Variants in TTYH2 observed in about 807,000 individuals in gnomAD.
The protein encoded by TTYH2 is protein tweety homolog 2.
Under a neutral mutation model 68.3 loss-of-function variants are expected in TTYH2, and 49 were observed. That is an observed-to-expected ratio of 0.72 (90% CI 0.57 to 0.91). The LOEUF is 0.91. Ranked by LOEUF, TTYH2 falls within the 40% of genes least tolerant of loss-of-function variation. The probability of loss-of-function intolerance (pLI) is 0.00; values close to 1 mark genes in which losing one functional copy is unlikely to be tolerated. For synonymous variants in TTYH2, 272 were observed against 300.8 expected (o/e 0.90, Z 0.99); for missense variants, 631 against 700.4 (o/e 0.90, Z 1.12).
rs1489623904 is a variant in TTYH2, at chr17:74,238,087, G to A, written c.635+573G>A. Among the ~76,000 whole-genome samples the A allele has an allele frequency of 2.6e-5, 4 of 152,154 alleles. No homozygotes were observed. The East Asian group carries it at 7.7e-4, about 29-fold the overall frequency. On this transcript the variant is annotated intron_variant, in intron 4 of 13. Transcript: ENST00000269346. ...GCTCACACTCCCCGCGCCAAAGGCTGGACCTGGCCTCAGCCTCCCGCACAC... is the reference window on the plus strand; with the variant it reads ...GCTCACACTCCCCGCGCCAAAGGCTAGACCTGGCCTCAGCCTCCCGCACAC...
intron 2 of TTYH2, among the ~76,000 whole-genome samples, chr17:74,228,462 G>C (rs1007576839): frequency 1.3e-5 from 2 of 152,194 alleles, no homozygotes; most frequent in Non-Finnish European, 2.9e-5. Context: ...GTCTCAAGTG[G>C]TGCAGGTCAG....
rs1328124249 is a variant in TTYH2, at chr17:74,236,914, G to T, written c.415-380G>T. Among the ~76,000 whole-genome samples the T allele has an allele frequency of 3.2e-4, 41 of 127,372 alleles. 1 individual carries two copies. The highest frequency in any genetic ancestry group is 2.5e-4 in the South Asian group (1 of 4,064). The allele number at this position is 127,372 out of a possible 152,430, so 83.6% of individuals were successfully genotyped here. A position where few individuals can be genotyped will look rare whatever the true frequency, so the allele number is the denominator to read the frequency against. ...GGCCAGCTTTTTTTTTTTTTTTTTCGACACAGAGTATCACTCTTGTCGCCC... is the reference window on the plus strand; with the variant it reads ...GGCCAGCTTTTTTTTTTTTTTTTTCTACACAGAGTATCACTCTTGTCGCCC... On this transcript the variant is annotated intron_variant, in intron 3 of 13. Coordinates refer to ENST00000269346, the MANE Select transcript of TTYH2 (RefSeq NM_032646.6).
At chr17:74,255,808 G>A (rs983698165) in intron 13 of TTYH2, among the ~76,000 whole-genome samples, 1 of 152,200 alleles carries the variant, frequency 6.6e-6, no homozygotes, top group Non-Finnish European at 1.5e-5. Flanking sequence ...TGGGCAGAAG[G>A]GTCCTGGAGC....
intron 10 of TTYH2, chr17:74,252,021 G>A: frequency 1.7e-6 from 1 of 599,382 alleles, no homozygotes; most frequent in Non-Finnish European, 2.9e-6. Context: ...CACAGTAAGT[G>A]CTCAGCAAAT....
chr17:74,238,270 C>T (rs1222653640), intron 4 of TTYH2, among the ~76,000 whole-genome samples: 3 of 152,164 alleles, frequency 2.0e-5, no homozygotes, highest in Non-Finnish European at 4.4e-5. Flanking sequence ...GAGATGAGCA[C>T]CCGGCTAAGG....
At chr17:74,243,768 C>G (rs1328374736) in intron 5 of TTYH2, among the ~76,000 whole-genome samples, 1 of 152,204 alleles carries the variant, frequency 6.6e-6, no homozygotes, top group Non-Finnish European at 1.5e-5. Flanking sequence ...AACACTGCCC[C>G]CTTAGCCTGT....
intron 2 of TTYH2, 121 bp from the exon 3 acceptor site, chr17:74,230,767 C>G: frequency 1.1e-6 from 1 of 950,610 alleles, no homozygotes; most frequent in South Asian, 1.7e-5. Context: ...AACTCAACCT[C>G]CTGAGTAGCT....
At chr17:74,233,733 C>T (rs542104443) in intron 3 of TTYH2, among the ~76,000 whole-genome samples, 59 of 152,190 alleles carry the variant, frequency 3.9e-4, no homozygotes, top group African/African-American at 1.2e-3. Context: ...TGGGTAGGGG[C>T]GGTGGTTCAG....
At chr17:74,242,747 G>C (rs1266965472) in intron 4 of TTYH2, among the ~76,000 whole-genome samples, 5 of 152,180 alleles carry the variant, frequency 3.3e-5, no homozygotes, top group Non-Finnish European at 7.4e-5. Flanking sequence ...CAAGATGGGA[G>C]GCCTTGGGGA....
intron 10 of TTYH2, chr17:74,251,940 GC>G (rs1311395024): frequency 1.1e-5 from 4 of 376,202 alleles, no homozygotes; most frequent in Non-Finnish European, 2.0e-5. Flanking sequence ...CAGCTTCAGT[GC>G]CCCCGTCTCT....
In TTYH2 at chr17:74,217,307, G is replaced by T. The variant is rs1275463660; in HGVS notation, c.129+3591G>T. ...GCTCTTTGGGGACATGTGTTAGGAG[G>T]CAGAGGAGATGTTGTTAATTTTTTT... On this transcript the variant is annotated intron_variant, in intron 1 of 13. Transcript: ENST00000269346. This position sits in a 1 kb window ranked among gnomAD's most constrained non-coding sequence, Gnocchi z 4.0. Among the ~76,000 whole-genome samples, 1 of 152,240 alleles carries T rather than the reference G, an allele frequency of 6.6e-6. No homozygotes were observed.
rs753060030 is a variant in TTYH2 at position 74,222,446 on chromosome 17, A to G, written c.130-39A>G. 1 of 1,574,356 alleles carries G rather than the reference A, an allele frequency of 6.4e-7. No homozygotes were observed. The highest frequency in any genetic ancestry group is 2.3e-5 in the East Asian group (1 of 44,348). On this transcript the variant is annotated intron_variant, in intron 1 of 13. Transcript: ENST00000269346. The surrounding 1 kb of genome is among the most constrained non-coding windows in gnomAD (Gnocchi z 5.2). ...GGGCACTTCCAGAGCCCCGCACTGCAGGGATGAAGAGTGACAACAGGCCTC... is the reference window on the plus strand; with the variant it reads ...GGGCACTTCCAGAGCCCCGCACTGCGGGGATGAAGAGTGACAACAGGCCTC...
Position 74,240,024 on chromosome 17 carries a change from G to A in TTYH2, c.635+2510G>A, listed in dbSNP as rs539539399. 3.9e-5 allele frequency among the ~76,000 whole-genome samples: 6 copies of A among 152,292 alleles called. No homozygotes were observed. In the South Asian group the frequency reaches 6.2e-4, roughly 16 times the overall value. Reference sequence around the variant, plus strand: ...AAGTCAGAATTTACATATCAAAGGCGGCTTATTGTTAAGGCGATGGTATTA... The same window carrying A: ...AAGTCAGAATTTACATATCAAAGGCAGCTTATTGTTAAGGCGATGGTATTA... On this transcript the variant is annotated intron_variant, in intron 4 of 13. Transcript: ENST00000269346.
intron 13 of TTYH2, among the ~76,000 whole-genome samples, chr17:74,258,578 T>C (rs967974870): frequency 6.6e-6 from 1 of 152,104 alleles, no homozygotes; most frequent in Non-Finnish European, 1.5e-5. Flanking sequence ...GAGATGTGCG[T>C]GTCTGACATA....
chr17:74,244,545 G>A (rs2050536174), intron 6 of TTYH2, among the ~76,000 whole-genome samples: 1 of 152,062 alleles, frequency 6.6e-6, no homozygotes, highest in Non-Finnish European at 1.5e-5. Flanking sequence ...GGACTCCCGC[G>A]GTCTGAAGCA....
intron 9 of TTYH2, 114 bp downstream of exon 9, chr17:74,250,142 C>T (rs950454911): frequency 3.6e-5 from 53 of 1,466,114 alleles, no homozygotes; most frequent in Middle Eastern, 1.7e-4. Context: ...TCTGTTCTCC[C>T]GCCCCCGTGA....
chr17:74,249,652 T>C (rs938233509), intron 8 of TTYH2, among the ~76,000 whole-genome samples: 2 of 152,246 alleles, frequency 1.3e-5, no homozygotes, highest in South Asian at 2.1e-4. Context: ...GGGGCCGAGA[T>C]TCTGTACTAC....
intron 4 of TTYH2, among the ~76,000 whole-genome samples, chr17:74,242,994 T>G (rs1180485661): frequency 6.6e-6 from 1 of 151,156 alleles, no homozygotes; most frequent in African/African-American, 2.4e-5. Flanking sequence ...TAAGTAAAGT[T>G]TAAAATGTAT....
At chr17:74,221,622 TG>T (rs2050276519) in intron 1 of TTYH2, among the ~76,000 whole-genome samples, 1 of 152,180 alleles carries the variant, frequency 6.6e-6, no homozygotes, top group African/African-American at 2.4e-5. Context: ...TGCCATCTGG[TG>T]CCTATCTGGC....
Sources: gnomAD v4.1 joint callset for allele counts (sites outside exome capture counted in the v4.1 genomes callset) on GRCh38, gnomAD v4.1.1 for gene constraint, Gnocchi (gnomAD v3.1) non-coding constraint, MANE v1.5 for transcripts, NCBI Gene and HGNC (gene_info 2026-07-23, HGNC 2026-07-21) for gene names.